The following ATG7 variants were observed in gnomAD, a reference collection of about 807,000 sequenced individuals.
ATG7 encodes the protein autophagy related 7.
ATG7 carries 70 observed loss-of-function variants against 82.4 expected under a neutral mutation model. The ratio of observed to expected loss-of-function variants is 0.85; its 90% CI spans 0.70 to 1.04. The LOEUF (loss-of-function observed/expected upper bound fraction) is 1.04. Ranked by LOEUF, ATG7 falls within the 50% of genes least tolerant of loss-of-function variation. The pLI, the probability that ATG7 is intolerant of heterozygous loss-of-function variation, is 0.00. For synonymous variants in ATG7, 287 were observed against 313.0 expected (o/e 0.92, Z 0.88); for missense variants, 792 against 864.3 (o/e 0.92, Z 1.05).
intron 9 of ATG7, 123 bp downstream of exon 9, chr3:11,315,616 A>G (rs777898576): frequency 1.8e-5 from 16 of 911,856 alleles, no homozygotes; most frequent in Non-Finnish European, 2.3e-5. Flanking sequence ...AAGGATGTTT[A>G]AGAACATTTC....
chr3:11,307,192 G>T, intron 6 of ATG7, 132 bp downstream of exon 6: 1 of 823,968 alleles, frequency 1.2e-6, no homozygotes, highest in Non-Finnish European at 2.0e-6. Context: ...TGTGGGCTTT[G>T]GTATATTTCT....
At chr3:11,374,221 C>A (rs1329681065) in intron 18 of ATG7, among the ~76,000 whole-genome samples, 5 of 152,108 alleles carry the variant, frequency 3.3e-5, no homozygotes, top group African/African-American at 1.2e-4. Flanking sequence ...TACAAATCTA[C>A]TGTAATCAAG....
intron 9 of ATG7, among the ~76,000 whole-genome samples, chr3:11,321,749 C>T (rs1011250353): frequency 1.3e-5 from 2 of 152,196 alleles, no homozygotes; most frequent in Non-Finnish European, 2.9e-5. Context: ...AACAACACCC[C>T]CTTCCTTGTA....
downstream of ATG7, chr3:11,558,895 ACCCT>A (rs1174155223): frequency 6.4e-7 from 1 of 1,556,194 alleles, no homozygotes; most frequent in Admixed American, 1.7e-5. Flanking sequence ...CGGTTGCAGC[ACCCT>A]CCCTCAGGCA....
rs182607510 is a variant in ATG7 at position 11,465,647 on chromosome 3, C to T, written c.2079+38721C>T. Among the ~76,000 whole-genome samples the T allele has an allele frequency of 1.7e-3, 257 of 151,900 alleles. 2 individuals carry two copies. Among genetic ancestry groups the T allele is most frequent in the East Asian group, 6.4e-3 (33 of 5,160 alleles). ...GGGCGTGGTGGCACACACCTGTAGT[C>T]CTAGCTACTTGGAGAACTGAGGGGG... On this transcript the variant is annotated intron_variant, in intron 20 of 20. Transcript: ENST00000693202.
At chr3:11,368,645 G>A (rs2076788993) in intron 18 of ATG7, among the ~76,000 whole-genome samples, 1 of 151,138 alleles carries the variant, frequency 6.6e-6, no homozygotes, top group Non-Finnish European at 1.5e-5. Context: ...TTAGCCAGGT[G>A]TGGTGGCACG....
At chr3:11,492,740 C>G (rs1482582798) in intron 20 of ATG7, among the ~76,000 whole-genome samples, 3 of 152,130 alleles carry the variant, frequency 2.0e-5, no homozygotes, top group Non-Finnish European at 4.4e-5. Flanking sequence ...CTGGCAGGAC[C>G]AAACTCTTGT....
the ATG7 span, among the ~76,000 whole-genome samples, chr3:11,563,662 G>A: frequency 1.3e-5 from 2 of 152,192 alleles, no homozygotes; most frequent in Admixed American, 6.5e-5. Flanking sequence ...ACACATCAGC[G>A]ATCTCTCCTC....
chr3:11,479,489 A>AT (rs2088668184), intron 20 of ATG7, among the ~76,000 whole-genome samples: 1 of 152,116 alleles, frequency 6.6e-6, no homozygotes, highest in Non-Finnish European at 1.5e-5. Flanking sequence ...CAAAGCCCAG[A>AT]TATTGACCGA....
intron 3 of ATG7, among the ~76,000 whole-genome samples, chr3:11,289,580 T>C (rs931749390): frequency 6.6e-6 from 1 of 152,174 alleles, no homozygotes; most frequent in Non-Finnish European, 1.5e-5. Flanking sequence ...TCAGAAAATA[T>C]TTGAAGGATG....
At chr3:11,286,001 T>G (rs972620487) in intron 3 of ATG7, among the ~76,000 whole-genome samples, 5 of 152,222 alleles carry the variant, frequency 3.3e-5, no homozygotes, top group Non-Finnish European at 5.9e-5. Context: ...ATGGCACTTC[T>G]GAAGACTATA....
intron 20 of ATG7, among the ~76,000 whole-genome samples, chr3:11,498,770 G>A (rs1411469878): frequency 6.6e-6 from 1 of 152,154 alleles, no homozygotes; most frequent in Non-Finnish European, 1.5e-5. Flanking sequence ...CCACACAGGG[G>A]CCAGGCCCAA....
chr3:11,472,558 A>G (rs1484047105), intron 20 of ATG7, among the ~76,000 whole-genome samples: 2 of 152,226 alleles, frequency 1.3e-5, no homozygotes, highest in Non-Finnish European at 2.9e-5. Context: ...GTGAAAAATT[A>G]GAAAACCGGT....
At chr3:11,379,828 C>T in intron 18 of ATG7, 144 bp from the exon 19 acceptor site, 4 of 736,026 alleles carry the variant, frequency 5.4e-6, no homozygotes, top group Middle Eastern at 2.4e-4. Flanking sequence ...GGAAAATACT[C>T]ATTTCGAACT....
intron 20 of ATG7, among the ~76,000 whole-genome samples, chr3:11,531,233 G>A (rs1054378859): frequency 3.9e-5 from 6 of 152,178 alleles, no homozygotes; most frequent in Non-Finnish European, 5.9e-5. Context: ...GGCTGTGCAG[G>A]GTACCCAGCC....
chr3:11,538,898 C>A (rs1373621525), intron 20 of ATG7, among the ~76,000 whole-genome samples: 1 of 103,688 alleles, frequency 9.6e-6, no homozygotes, highest in Non-Finnish European at 2.1e-5. Context: ...AAGAAAAAGC[C>A]CTTAGTAATT....
chr3:11,339,341 T>G (rs938999147), intron 11 of ATG7, among the ~76,000 whole-genome samples: 18 of 149,708 alleles, frequency 1.2e-4, no homozygotes, highest in Admixed American at 8.7e-4. Flanking sequence ...AGCGTATAAT[T>G]AGAAACAAAA....
At position 11,556,587 on chromosome 3, in the gene ATG7, C is replaced by G. The variant is rs2072434082; in HGVS notation, c.*1744C>G. The G allele has an allele frequency of 6.6e-6, 1 of 151,298 alleles. No individual in the cohort carries two copies. The highest frequency in any genetic ancestry group is 2.1e-4 in the South Asian group (1 of 4,784). The allele number at this position is 151,298 out of a possible 1,614,324, so 9.4% of individuals were successfully genotyped here. A position where few individuals can be genotyped will look rare whatever the true frequency, so the allele number is the denominator to read the frequency against. ...ATAACTGTTCCTGCACTTTTACAGA[C>G]AAATCTACGACAAAAAAAAAGATCA... On this transcript the variant is annotated 3_prime_UTR_variant, in exon 21 of 21. Transcript: ENST00000693202.
chr3:11,568,369 G>C, the ATG7 span, among the ~76,000 whole-genome samples: 1 of 152,208 alleles, frequency 6.6e-6, no homozygotes. The surrounding 1 kb of genome is among the most constrained non-coding windows in gnomAD (Gnocchi z 5.9). Flanking sequence ...CCAGGGCAGA[G>C]GTAAGGACGG....
Sources: allele counts gnomAD v4.1 joint callset (sites outside exome capture counted in the v4.1 genomes callset), GRCh38; gene constraint gnomAD v4.1.1; non-coding constraint Gnocchi (gnomAD v3.1); transcripts MANE v1.5; gene names NCBI Gene and HGNC (gene_info 2026-07-23, HGNC 2026-07-21).